Variants in SLC22A23 observed in about 807,000 individuals in gnomAD.
The protein encoded by SLC22A23 is solute carrier family 22 member 23.
SLC22A23 carries 26 observed loss-of-function variants against 61.0 expected under a neutral mutation model. That is an observed-to-expected ratio of 0.43 (90% CI 0.31 to 0.59). The LOEUF is 0.59. SLC22A23 is among the 20% of genes least tolerant of loss of function. SLC22A23 has a pLI of 0.11. For synonymous variants in SLC22A23, 430 were observed against 413.9 expected (o/e 1.04, Z -0.47); for missense variants, 796 against 934.7 (o/e 0.85, Z 1.94).
chr6:3,284,836 G>A (rs1759821856), intron 8 of SLC22A23: 3 of 1,408,742 alleles, frequency 2.1e-6, no homozygotes, highest in Admixed American at 4.0e-5. Flanking sequence ...AGGGGAAGGG[G>A]CGGGGGCATG....
chr6:3,302,518 C>T (rs6911241), intron 4 of SLC22A23, among the ~76,000 whole-genome samples: 20,281 of 152,108 alleles, frequency 0.13, 2,471 homozygotes, highest in African/African-American at 0.32. Flanking sequence ...TGAAATACAT[C>T]ATTGGGTTGT....
At position 3,298,352 on chromosome 6, in the gene SLC22A23, G is replaced by A; in HGVS notation, c.1083-134C>T. On this transcript the variant is annotated intron_variant, in intron 4 of 9. Coordinates refer to ENST00000406686, the MANE Select transcript of SLC22A23 (RefSeq NM_015482.2). ...CCAGACACGCATCAGCCCAATCAGG[G>A]GAGATAAAACTGTGGGCACTGAAAC... 1.9e-5 allele frequency: 19 copies of A among 1,003,884 alleles called. No homozygotes were observed. In the South Asian group the frequency reaches 2.8e-4, roughly 15 times the overall value. 62.2% of individuals were successfully genotyped at this position (1,003,884 alleles called of 1,614,324 possible).
At chr6:3,433,203 A>G (rs780866578) in intron 1 of SLC22A23, among the ~76,000 whole-genome samples, 1 of 152,214 alleles carries the variant, frequency 6.6e-6, no homozygotes, top group African/African-American at 2.4e-5. Context: ...GGACAGGAGG[A>G]AACTCCTCAG....
At chr6:3,451,917 T>A (rs558982482) in intron 1 of SLC22A23, among the ~76,000 whole-genome samples, 2 of 152,352 alleles carry the variant, frequency 1.3e-5, no homozygotes, top group African/African-American at 4.8e-5. Flanking sequence ...GGCTGCTTTA[T>A]TCACCAGAAG....
chr6:3,345,709 A>G (rs544206005), intron 3 of SLC22A23, among the ~76,000 whole-genome samples: 2 of 152,294 alleles, frequency 1.3e-5, no homozygotes, highest in African/African-American at 4.8e-5. Flanking sequence ...TCCCAGGACA[A>G]GAGGATAAGA....
chr6:3,415,713 G>T, intron 2 of SLC22A23, 39 bp downstream of exon 2: 1 of 1,371,240 alleles, frequency 7.3e-7, no homozygotes, highest in Non-Finnish European at 1.0e-6. Flanking sequence ...GCGTGCTGTG[G>T]CCTCCAAAGG....
At chr6:3,311,866 A>C (rs1369846622) in intron 4 of SLC22A23, 1 of 152,188 alleles carries the variant, frequency 6.6e-6, no homozygotes, top group East Asian at 1.9e-4. Flanking sequence ...TTTGTGTGCC[A>C]ATTTTGTAGC....
At chr6:3,335,204 A>G (rs1738818510) in intron 3 of SLC22A23, among the ~76,000 whole-genome samples, 1 of 152,216 alleles carries the variant, frequency 6.6e-6, no homozygotes. Flanking sequence ...GATTGAGGAA[A>G]ATACTAGCAG....
intron 3 of SLC22A23, among the ~76,000 whole-genome samples, chr6:3,340,327 G>A (rs1156291741): frequency 1.3e-5 from 2 of 152,222 alleles, no homozygotes; most frequent in East Asian, 1.9e-4. Flanking sequence ...AAGGTAAAAC[G>A]CCCGCCGGTC....
intron 3 of SLC22A23, among the ~76,000 whole-genome samples, chr6:3,408,098 A>G (rs958050991): frequency 6.6e-6 from 1 of 152,230 alleles, no homozygotes; most frequent in African/African-American, 2.4e-5. Flanking sequence ...CTTTCAGGCT[A>G]CAATGGCAGA....
chr6:3,294,880 C>G (rs879758844), intron 5 of SLC22A23, among the ~76,000 whole-genome samples: 2 of 152,194 alleles, frequency 1.3e-5, no homozygotes, highest in African/African-American at 4.8e-5. Flanking sequence ...ATCAGGTTTT[C>G]CCCCGGCATA....
At position 3,386,660 on chromosome 6, in the gene SLC22A23, G is replaced by A. The variant is rs1157301663; in HGVS notation, c.913+23528C>T. On this transcript the variant is annotated intron_variant, in intron 3 of 9. Coordinates refer to ENST00000406686, the MANE Select transcript of SLC22A23 (RefSeq NM_015482.2). The surrounding 1 kb of genome is among the most constrained non-coding windows in gnomAD (Gnocchi z 4.4). Reference sequence around the variant, plus strand: ...ACGGCCTTCCAGGGCCAACCCTCTTGCTCTACAGATGAAAAGAGTGAATCC... The same window carrying A: ...ACGGCCTTCCAGGGCCAACCCTCTTACTCTACAGATGAAAAGAGTGAATCC... 6.6e-6 allele frequency among the ~76,000 whole-genome samples: 1 copy of A among 152,216 alleles called. No homozygotes were observed. Among genetic ancestry groups the A allele is most frequent in the Non-Finnish European group, 1.5e-5 (1 of 68,038 alleles).
intron 3 of SLC22A23, among the ~76,000 whole-genome samples, chr6:3,370,230 G>C (rs1766121055): frequency 6.6e-6 from 1 of 152,146 alleles, no homozygotes; most frequent in Non-Finnish European, 1.5e-5. Flanking sequence ...ACCCTTTTAA[G>C]AATTATGCTT....
chr6:3,303,394 G>T (rs1761754984), intron 4 of SLC22A23: 1 of 152,194 alleles, frequency 6.6e-6, no homozygotes, highest in South Asian at 2.1e-4. Context: ...AGAGACATCT[G>T]CATCCTGAGT....
intron 9 of SLC22A23, among the ~76,000 whole-genome samples, chr6:3,277,739 C>T (rs1444241347): frequency 2.0e-5 from 3 of 152,236 alleles, no homozygotes; most frequent in African/African-American, 4.8e-5. Flanking sequence ...GTGCTATAGT[C>T]GGATTTCTAG....
At position 3,453,789 on chromosome 6, in the gene SLC22A23, C is replaced by A. The variant is rs568447579; in HGVS notation, c.654+2117G>T. Reference sequence around the variant, plus strand: ...AGCTTCTCAAACCCTGAGCTTTTATCCACTGAAAGAAGGCAAAGGCTCCTT... The same window carrying A: ...AGCTTCTCAAACCCTGAGCTTTTATACACTGAAAGAAGGCAAAGGCTCCTT... On this transcript the variant is annotated intron_variant, in intron 1 of 9. Transcript: ENST00000406686. 2.4e-4 allele frequency among the ~76,000 whole-genome samples: 36 copies of A among 152,320 alleles called. 1 individual carries two copies. In the South Asian group the frequency reaches 7.3e-3, roughly 31 times the overall value.
At chr6:3,283,288 C>T (rs1026927693) in intron 9 of SLC22A23, among the ~76,000 whole-genome samples, 10 of 152,056 alleles carry the variant, frequency 6.6e-5, no homozygotes, top group African/African-American at 2.2e-4. Context: ...AAAAATTAGC[C>T]GGGCGTGGTG....
intron 3 of SLC22A23, among the ~76,000 whole-genome samples, chr6:3,343,473 GCACACA>G (rs149684941): frequency 1.3e-5 from 2 of 149,964 alleles, no homozygotes; most frequent in Non-Finnish European, 3.0e-5. Flanking sequence ...ACACACACAC[GCACACA>G]CACACACACA....
chr6:3,415,322 A>T (rs1477207962), intron 2 of SLC22A23, among the ~76,000 whole-genome samples: 1 of 152,128 alleles, frequency 6.6e-6, no homozygotes, highest in South Asian at 2.1e-4. Context: ...CATGTAGAGG[A>T]GCTAATCAGC....
Sources: gnomAD v4.1 joint callset for allele counts (sites outside exome capture counted in the v4.1 genomes callset) on GRCh38, gnomAD v4.1.1 for gene constraint, Gnocchi (gnomAD v3.1) non-coding constraint, MANE v1.5 for transcripts, NCBI Gene and HGNC (gene_info 2026-07-23, HGNC 2026-07-21) for gene names.